The following GNAQ variants were observed in gnomAD, a reference collection of about 807,000 sequenced individuals.
The protein encoded by GNAQ is guanine nucleotide-binding protein G(q) subunit alpha.
GNAQ carries 8 observed loss-of-function variants against 43.9 expected under a neutral mutation model. That is an observed-to-expected ratio of 0.18 (90% CI 0.11 to 0.33). The LOEUF (loss-of-function observed/expected upper bound fraction) is 0.33, where lower values mean the gene tolerates loss of function less well. Ranked by LOEUF, GNAQ falls within the 10% of genes least tolerant of loss-of-function variation. The pLI, the probability that GNAQ is intolerant of heterozygous loss-of-function variation, is 1.00. For synonymous variants in GNAQ, 155 were observed against 170.7 expected (o/e 0.91, Z 0.71); for missense variants, 158 against 450.8 (o/e 0.35, Z 5.88).
intron 4 of GNAQ, among the ~76,000 whole-genome samples, chr9:77,795,049 G>T (rs1158154553): frequency 1.3e-5 from 2 of 152,168 alleles, no homozygotes; most frequent in African/African-American, 4.8e-5. Context: ...TATGTGAGAT[G>T]CTATACAATT....
At chr9:77,748,827 C>A in intron 5 of GNAQ, among the ~76,000 whole-genome samples, 1 of 152,168 alleles carries the variant, frequency 6.6e-6, no homozygotes, top group Non-Finnish European at 1.5e-5. Flanking sequence ...TTTTGGCCCA[C>A]AAGTGAGGTA....
intron 3 of GNAQ, 88 bp downstream of exon 3, chr9:77,815,528 G>T: frequency 1.2e-6 from 1 of 832,892 alleles, no homozygotes; most frequent in Non-Finnish European, 1.9e-6. Flanking sequence ...GACATATACA[G>T]GACAGAATAA....
chr9:77,732,289 G>A (rs984794869), intron 5 of GNAQ, among the ~76,000 whole-genome samples: 1 of 152,060 alleles, frequency 6.6e-6, no homozygotes, highest in African/African-American at 2.4e-5. Context: ...CAGTCTGGGG[G>A]GTGGTGGTAA....
chr9:77,982,922 A>G (rs1355035883), intron 1 of GNAQ, among the ~76,000 whole-genome samples: 4 of 152,168 alleles, frequency 2.6e-5, no homozygotes, highest in Admixed American at 6.5e-5. Context: ...CGTTGTGCAC[A>G]TGTACACTAG....
rs1240876799 is a variant in GNAQ, at chr9:77,924,703, C to T, written c.137-2358G>A. The stretch of plus-strand genomic sequence containing the variant: ...GGCACTGTCCACACACTGGATATCA[C>T]ACTAATGTAGACTCCAAGTAGGGGC... On this transcript the variant is annotated intron_variant, in intron 1 of 6. Coordinates refer to ENST00000286548, the MANE Select transcript of GNAQ (RefSeq NM_002072.5). Among the ~76,000 whole-genome samples, 4 of 152,240 alleles carry T rather than the reference C, an allele frequency of 2.6e-5. No homozygotes were observed. In the East Asian group the frequency reaches 7.7e-4, roughly 29 times the overall value.
Position 77,833,439 on chromosome 9 carries a change from T to A in GNAQ, c.322-17669A>T, listed in dbSNP as rs77805356. On this transcript the variant is annotated intron_variant, in intron 2 of 6. Transcript: ENST00000286548. ...AAGTACAAAGTAAGCAACTGGTAAG[T>A]TGGCACTCAGTCACTTTAGGATAAT... Among the ~76,000 whole-genome samples, 653 of 152,332 alleles carry A rather than the reference T, an allele frequency of 4.3e-3. 4 individuals are homozygous for A. The highest frequency in any genetic ancestry group is 0.015 in the African/African-American group (634 of 41,576).
At chr9:77,874,246 G>T (rs963307720) in intron 2 of GNAQ, among the ~76,000 whole-genome samples, 2 of 152,162 alleles carry the variant, frequency 1.3e-5, no homozygotes, top group Non-Finnish European at 1.5e-5. Flanking sequence ...TTAGGCTTGG[G>T]CTTCCCTTGG....
At chr9:77,761,259 G>T (rs1312272702) in intron 5 of GNAQ, among the ~76,000 whole-genome samples, 25 of 129,210 alleles carry the variant, frequency 1.9e-4, no homozygotes, top group African/African-American at 3.0e-4. Flanking sequence ...CAGCCACCCT[G>T]TCCGGGAGGG....
chr9:77,841,107 A>C (rs1342616054), intron 2 of GNAQ, among the ~76,000 whole-genome samples: 1 of 152,092 alleles, frequency 6.6e-6, no homozygotes, highest in African/African-American at 2.4e-5. Flanking sequence ...AAACAAAAAA[A>C]CCCCAGCCCA....
At chr9:77,968,850 G>C (rs1302071101) in intron 1 of GNAQ, among the ~76,000 whole-genome samples, 1 of 152,204 alleles carries the variant, frequency 6.6e-6, no homozygotes, top group Non-Finnish European at 1.5e-5. Flanking sequence ...CTAAGTATGG[G>C]GATTTTATGG....
chr9:77,966,255 C>T (rs984543479), intron 1 of GNAQ, among the ~76,000 whole-genome samples: 3 of 152,084 alleles, frequency 2.0e-5, no homozygotes, highest in Admixed American at 2.0e-4. Flanking sequence ...GTGATGATTT[C>T]ATAGACACAT....
rs145212202 is a variant in GNAQ at position 78,010,976 on chromosome 9, T to C, written c.136+20124A>G. Among the ~76,000 whole-genome samples the C allele has an allele frequency of 1.7e-3, 263 of 152,274 alleles. 1 individual carries two copies. Among genetic ancestry groups the C allele is most frequent in the African/African-American group, 6.0e-3 (250 of 41,578 alleles). ...CAACAGATCTGTTTTCCCCTCTGAC[T>C]TGACATATTTACTGGAAAAGTTGAG... On this transcript the variant is annotated intron_variant, in intron 1 of 6. Coordinates refer to ENST00000286548, the MANE Select transcript of GNAQ (RefSeq NM_002072.5).
At chr9:77,779,366 A>C (rs771865199) in intron 5 of GNAQ, among the ~76,000 whole-genome samples, 1 of 151,968 alleles carries the variant, frequency 6.6e-6, no homozygotes, top group Non-Finnish European at 1.5e-5. Flanking sequence ...TAAACGAAAA[A>C]TTAAAATACA....
chr9:78,020,031 G>C (rs1469878574), intron 1 of GNAQ, among the ~76,000 whole-genome samples: 1 of 151,600 alleles, frequency 6.6e-6, no homozygotes, highest in Admixed American at 6.6e-5. Flanking sequence ...ACATGAAAAA[G>C]ACACAAGAGA....
chr9:77,814,270 G>A (rs1826976568), intron 3 of GNAQ, among the ~76,000 whole-genome samples: 1 of 152,108 alleles, frequency 6.6e-6, no homozygotes, highest in African/African-American at 2.4e-5. Context: ...AGGGACGAAG[G>A]ACAGAGGGAG....
At chr9:77,802,618 T>C (rs147157505) in intron 3 of GNAQ, among the ~76,000 whole-genome samples, 8 of 152,132 alleles carry the variant, frequency 5.3e-5, no homozygotes, top group Non-Finnish European at 7.4e-5. Context: ...ATTATAGCCA[T>C]AATTTGTTTT....
intron 2 of GNAQ, among the ~76,000 whole-genome samples, chr9:77,861,368 A>G (rs1277082928): frequency 1.3e-5 from 2 of 152,094 alleles, no homozygotes; most frequent in Admixed American, 1.3e-4. Flanking sequence ...TGCCACTCCC[A>G]AATCTCATGT....
At chr9:77,866,879 A>G (rs1308705096) in intron 2 of GNAQ, among the ~76,000 whole-genome samples, 2 of 152,204 alleles carry the variant, frequency 1.3e-5, no homozygotes, top group African/African-American at 4.8e-5. Flanking sequence ...ATTATTTTCT[A>G]TAGTTAGTTA....
intron 2 of GNAQ, among the ~76,000 whole-genome samples, chr9:77,881,440 G>A (rs746709175): frequency 3.9e-5 from 6 of 152,186 alleles, no homozygotes; most frequent in East Asian, 1.9e-4. Flanking sequence ...GTACAGTGAC[G>A]CTATCATAGC....
Sources: gnomAD v4.1 joint callset for allele counts (sites outside exome capture counted in the v4.1 genomes callset) on GRCh38, gnomAD v4.1.1 for gene constraint, MANE v1.5 for transcripts, NCBI Gene and HGNC (gene_info 2026-07-23, HGNC 2026-07-21) for gene names.